Variants in STC1 observed in about 807,000 individuals in gnomAD.
STC1 encodes the protein stanniocalcin 1.
Under a neutral mutation model 22.6 loss-of-function variants are expected in STC1, and 7 were observed. The ratio of observed to expected loss-of-function variants is 0.31; its 90% CI spans 0.18 to 0.58. STC1 has a LOEUF of 0.58. STC1 is among the 20% of genes least tolerant of loss of function. The probability of loss-of-function intolerance (pLI) is 0.89; values close to 1 mark genes in which losing one functional copy is unlikely to be tolerated. For missense variants in STC1, 224 were observed against 311.0 expected (o/e 0.72, Z 2.10); for synonymous variants, 113 against 120.7 (o/e 0.94, Z 0.42).
rs1003812774 is a variant in STC1, at chr8:23,844,650, G to C, written c.*120C>G. ...TAGTTTCATGCAATTTTCTTTAAGGGGGATAGAAAATAGGAACTACTTTAA... is the reference window on the plus strand; with the variant it reads ...TAGTTTCATGCAATTTTCTTTAAGGCGGATAGAAAATAGGAACTACTTTAA... On this transcript the variant is annotated 3_prime_UTR_variant, in exon 4 of 4. Transcript: ENST00000290271. 1.7e-6 allele frequency: 2 copies of C among 1,164,532 alleles called. No individual in the cohort carries two copies. The highest frequency in any genetic ancestry group is 1.5e-5 in the African/African-American group (1 of 64,558). 72.1% of individuals were successfully genotyped at this position (1,164,532 alleles called of 1,614,324 possible).
intron 1 of STC1, 82 bp downstream of exon 1, chr8:23,854,324 C>A: frequency 8.0e-7 from 1 of 1,253,522 alleles, no homozygotes; most frequent in Non-Finnish European, 1.2e-6. Context: ...CAAGATCAGC[C>A]GTCACAGACA....
intron 1 of STC1, 93 bp from the exon 2 acceptor site, chr8:23,852,477 G>A (rs997396736): frequency 2.6e-5 from 36 of 1,374,152 alleles, no homozygotes; most frequent in Non-Finnish European, 3.5e-5. Context: ...AAGGACATGA[G>A]GTCAGAAGAA....
intron 1 of STC1, among the ~76,000 whole-genome samples, chr8:23,853,501 C>T (rs1395183531): frequency 2.0e-5 from 3 of 152,184 alleles, no homozygotes; most frequent in Non-Finnish European, 2.9e-5. Context: ...GCCCTCCTCT[C>T]GGCAGGGACC....
chr8:23,851,626 C>A, intron 2 of STC1, 95 bp from the exon 3 acceptor site: 1 of 1,065,268 alleles, frequency 9.4e-7, no homozygotes, highest in South Asian at 1.4e-5. Flanking sequence ...CTCATCTGGG[C>A]AACGTATCAT....
intron 3 of STC1, among the ~76,000 whole-genome samples, chr8:23,848,657 T>G (rs1328679222): frequency 2.0e-5 from 3 of 152,124 alleles, no homozygotes. Flanking sequence ...CGAAAGGACC[T>G]TTTTAATTAT....
At chr8:23,845,494 T>G (rs1206328801) in intron 3 of STC1, among the ~76,000 whole-genome samples, 1 of 152,148 alleles carries the variant, frequency 6.6e-6, no homozygotes, top group East Asian at 1.9e-4. Flanking sequence ...TGTACATGCA[T>G]GTGTAATTAT....
intron 2 of STC1, 67 bp from the exon 3 acceptor site, chr8:23,851,598 T>C (rs1260505516): frequency 6.7e-7 from 1 of 1,490,652 alleles, no homozygotes; most frequent in Non-Finnish European, 9.2e-7. Context: ...GGCATATACA[T>C]GGAGGAATTT....
chr8:23,851,227 T>C, intron 3 of STC1, 93 bp downstream of exon 3: 1 of 1,186,508 alleles, frequency 8.4e-7, no homozygotes, highest in Non-Finnish European at 1.3e-6. Context: ...AGAGCATGAC[T>C]GTGGCAATTT....
rs1371568956 is a variant in STC1, at chr8:23,843,203, G to A, written c.*1567C>T. 5 of 152,510 alleles carry A rather than the reference G, an allele frequency of 3.3e-5. No individual in the cohort carries two copies. Among genetic ancestry groups the A allele is most frequent in the African/African-American group, 9.7e-5 (4 of 41,404 alleles). 9.4% of individuals were successfully genotyped at this position (152,510 alleles called of 1,614,324 possible). ...ACAGTGACCCTGAGAAACTACTGTT[G>A]TTCATAGATAGGTTAGTCGTTTGAC... On this transcript the variant is annotated 3_prime_UTR_variant, in exon 4 of 4. Coordinates refer to ENST00000290271, the MANE Select transcript of STC1 (RefSeq NM_003155.3).
At chr8:23,853,035 AAAAG>A (rs34552249) in intron 1 of STC1, among the ~76,000 whole-genome samples, 342 of 150,824 alleles carry the variant, frequency 2.3e-3, no homozygotes, top group Middle Eastern at 0.014. Flanking sequence ...AGCCTTTTAA[AAAAG>A]AAAGAAAGAA....
At chr8:23,852,439 G>A in intron 1 of STC1, 55 bp from the exon 2 acceptor site, 1 of 1,534,466 alleles carries the variant, frequency 6.5e-7, no homozygotes, top group Non-Finnish European at 8.8e-7. Context: ...TGGCTGGGTG[G>A]GATCAAGTGG....
At chr8:23,847,348 T>C (rs1802585346) in intron 3 of STC1, among the ~76,000 whole-genome samples, 1 of 152,230 alleles carries the variant, frequency 6.6e-6, no homozygotes, top group South Asian at 2.1e-4. Context: ...TGTTGCTTTG[T>C]CTGCTGGCTC....
At position 23,844,400 on chromosome 8, in the gene STC1, TG is replaced by T. The variant is rs1228631410; in HGVS notation, c.*369del. On this transcript the variant is annotated 3_prime_UTR_variant, in exon 4 of 4. Transcript: ENST00000290271. ...AAGTTTCCTTATCAGCTAACTCTAC[TG>T]GGGCAACCGTTCTAAAGGGATCCAC... 1 of 243,802 alleles carries T rather than the reference TG, an allele frequency of 4.1e-6. No individual in the cohort carries two copies. Among genetic ancestry groups the T allele is most frequent in the Non-Finnish European group, 8.0e-6 (1 of 124,756 alleles). The allele number at this position is 243,802 out of a possible 1,614,324, so 15.1% of individuals were successfully genotyped here. A position where few individuals can be genotyped will look rare whatever the true frequency, so the allele number is the denominator to read the frequency against.
At position 23,842,390 on chromosome 8, in the gene STC1, T is replaced by C. The variant is rs1456464116; in HGVS notation, c.*2380A>G. 2.0e-5 allele frequency: 3 copies of C among 151,434 alleles called. No individual in the cohort carries two copies. The highest frequency in any genetic ancestry group is 6.6e-5 in the Admixed American group (1 of 15,124). 9.4% of individuals were successfully genotyped at this position (151,434 alleles called of 1,614,324 possible). A position where few individuals can be genotyped will look rare whatever the true frequency, so the allele number is the denominator to read the frequency against. On this transcript the variant is annotated 3_prime_UTR_variant, in exon 4 of 4. Transcript: ENST00000290271. ...CTAGCAACATTGTGAGAACTGCTTC[T>C]TTCTGTATGTGTAGATATATGTATT...
chr8:23,844,896 G>C lies in STC1; in HGVS notation c.618C>G (p.His206Gln), dbSNP rs1387387846. ...GTCTCCTGTTGAAGTCAGCTCGTGGGTGTGTTTGGGCACAGTGGTCTGTCT... is the reference window on the plus strand; with the variant it reads ...GTCTCCTGTTGAAGTCAGCTCGTGGCTGTGTTTGGGCACAGTGGTCTGTCT... ...ILQTDHCAQT[H>Q]PRADFNRRRT... The change falls in exon 4 of 4, where the codon CAC (histidine) becomes CAG (glutamine). Residue 206 changes from histidine (H) to glutamine (Q), a missense_variant. Transcript: ENST00000290271. The C allele has an allele frequency of 6.2e-7, 1 of 1,614,134 alleles. No homozygotes were observed.
At position 23,851,486 on chromosome 8, in the gene STC1, C is replaced by T. The variant is rs1802637241; in HGVS notation, c.307G>A (p.Val103Ile). The T allele has an allele frequency of 6.2e-7, 1 of 1,614,104 alleles. No homozygotes were observed. Among genetic ancestry groups the T allele is most frequent in the South Asian group, 1.1e-5 (1 of 91,084 alleles). Residue 103 changes from valine (V) to isoleucine (I), a missense_variant, in exon 3 of 4, where the codon GTC (valine) becomes ATC (isoleucine). Val to Ile is a conservative substitution (Grantham distance 29). Transcript: ENST00000290271. Reference protein sequence around the residue: ...KESLKCIANGVTSKVFLAIRR... With the variant: ...KESLKCIANGITSKVFLAIRR... ...ATGGCGAGGAAGACCTTGGAGGTGA[C>T]CCCGTTGGCGATGCATTTTAAGCTC...
intron 3 of STC1, among the ~76,000 whole-genome samples, chr8:23,846,873 G>A (rs768942390): frequency 6.6e-6 from 1 of 152,162 alleles, no homozygotes; most frequent in Non-Finnish European, 1.5e-5. Flanking sequence ...GAGAAACATA[G>A]AATAAACAAC....
intron 1 of STC1, among the ~76,000 whole-genome samples, chr8:23,853,502 G>A (rs963491835): frequency 1.3e-5 from 2 of 152,130 alleles, no homozygotes; most frequent in Non-Finnish European, 2.9e-5. Flanking sequence ...CCCTCCTCTC[G>A]GCAGGGACCT....
chr8:23,848,257 C>T (rs1205142340), intron 3 of STC1, among the ~76,000 whole-genome samples: 1 of 152,038 alleles, frequency 6.6e-6, no homozygotes, highest in Non-Finnish European at 1.5e-5. Flanking sequence ...CTTGGCTGGG[C>T]ATGGTGGCTC....
Sources: gnomAD v4.1 joint callset for allele counts (sites outside exome capture counted in the v4.1 genomes callset) on GRCh38, gnomAD v4.1.1 for gene constraint, MANE v1.5 for transcripts, NCBI Gene and HGNC (gene_info 2026-07-23, HGNC 2026-07-21) for gene names.